The following RB1 variants were observed in gnomAD, a reference collection of about 807,000 sequenced individuals.
RB1 encodes the protein retinoblastoma-associated protein.
RB1 carries 18 observed loss-of-function variants against 135.4 expected under a neutral mutation model. The observed-to-expected ratio is 0.13, with a 90% CI of 0.09 to 0.20. The LOEUF is 0.20. Ranked by LOEUF, RB1 falls within the 10% of genes least tolerant of loss-of-function variation. The probability of loss-of-function intolerance (pLI) is 1.00; values close to 1 mark genes in which losing one functional copy is unlikely to be tolerated. For synonymous variants in RB1, 365 were observed against 373.2 expected, an observed-to-expected ratio of 0.98 and a Z score of 0.25; for missense variants, 868 against 1,110.0, an observed-to-expected ratio of 0.78 and a Z score of 3.10.
chr13:48,363,072 C>T, intron 8 of RB1, 115 bp downstream of exon 8: 1 of 1,313,124 alleles, frequency 7.6e-7, no homozygotes, highest in South Asian at 1.4e-5. Context: ...TTAGTGCTAA[C>T]TCTTTTGCAG....
In RB1 at chr13:48,462,281, G is replaced by A. The variant is rs147770279; in HGVS notation, c.2107-1450G>A. On this transcript the variant is annotated intron_variant, in intron 20 of 26. Transcript: ENST00000267163. ...TGGGACTATAGGCACACACCACCAC[G>A]CCGAGCTAATTTTTGTATTTTTTTG... is the stretch of plus-strand genomic sequence containing the variant. Among the ~76,000 whole-genome samples, 784 of 151,894 alleles carry A rather than the reference G, an allele frequency of 5.2e-3. 4 individuals are homozygous for A. Among genetic ancestry groups the A allele is most frequent in the Non-Finnish European group, 8.8e-3 (595 of 67,948 alleles).
Position 48,436,711 on chromosome 13 carries a change from G to C in RB1, c.1696-16282G>C, listed in dbSNP as rs187916323. On this transcript the variant is annotated intron_variant, in intron 17 of 26. Coordinates refer to ENST00000267163, the MANE Select transcript of RB1 (RefSeq NM_000321.3). ...GGCAAGCAGATCTGCAGAAATATTA[G>C]TATTAAAGGACCAGCAAGGTAAAAT... 3.3e-5 allele frequency among the ~76,000 whole-genome samples: 5 copies of C among 152,078 alleles called. No individual in the cohort carries two copies. The East Asian group carries it at 9.7e-4, about 29-fold the overall frequency.
intron 2 of RB1, among the ~76,000 whole-genome samples, chr13:48,341,931 G>T (rs977636263): frequency 1.3e-5 from 2 of 151,866 alleles, no homozygotes; most frequent in African/African-American, 2.4e-5. Context: ...ATATTTAGGG[G>T]TGGTATATAT....
In RB1 at chr13:48,319,111, C is replaced by T. The variant is rs529268494; in HGVS notation, c.264+11705C>T. 9 of 608,138 alleles carry T rather than the reference C, an allele frequency of 1.5e-5. No homozygotes were observed. In the East Asian group the frequency reaches 3.4e-4, roughly 23 times the overall value. 37.7% of individuals were successfully genotyped at this position (608,138 alleles called of 1,614,324 possible). On this transcript the variant is annotated intron_variant, in intron 2 of 26. Transcript: ENST00000267163. The surrounding 1 kb of genome is among the most constrained non-coding windows in gnomAD (Gnocchi z 5.0). ...CAAACTCGTTCCTGGAAGCCGGGCT[C>T]GCTGGAGGCGGAGCTTTGGTTTCCT... is the stretch of plus-strand genomic sequence containing the variant.
At chr13:48,352,828 A>G (rs553239330) in intron 6 of RB1, among the ~76,000 whole-genome samples, 5 of 152,172 alleles carry the variant, frequency 3.3e-5, no homozygotes, top group East Asian at 1.9e-4. Context: ...CTCTCTTCCT[A>G]TTTGGATGCC....
chr13:48,447,389 C>T (rs960400616), intron 17 of RB1, among the ~76,000 whole-genome samples: 1 of 152,088 alleles, frequency 6.6e-6, no homozygotes, highest in African/African-American at 2.4e-5. Context: ...ATTTATGGCT[C>T]TACTTCCTAG....
chr13:48,409,655 A>T (rs1009193291), intron 17 of RB1, among the ~76,000 whole-genome samples: 3 of 128,018 alleles, frequency 2.3e-5, no homozygotes, highest in African/African-American at 9.1e-5. Flanking sequence ...ATCTTGGCTC[A>T]CTGCAACCTC....
At chr13:48,452,798 G>A (rs1316469957) in intron 17 of RB1, among the ~76,000 whole-genome samples, 195 bp from the exon 18 acceptor site, 1 of 151,040 alleles carries the variant, frequency 6.6e-6, no homozygotes, top group Non-Finnish European at 1.5e-5. Flanking sequence ...CTACTTTTTT[G>A]TGTGTGGGAA....
chr13:48,441,105 A>T (rs909698720), intron 17 of RB1, among the ~76,000 whole-genome samples: 2 of 152,198 alleles, frequency 1.3e-5, no homozygotes, highest in African/African-American at 4.8e-5. Context: ...AACAACAGAA[A>T]TGTATTTCTC....
At chr13:48,403,507 C>T (rs1948712292) in intron 17 of RB1, among the ~76,000 whole-genome samples, 1 of 151,960 alleles carries the variant, frequency 6.6e-6, no homozygotes, top group African/African-American at 2.4e-5. Context: ...CACACAACAC[C>T]CCCAGGAAAG....
At chr13:48,368,964 C>A (rs1952731895) in intron 11 of RB1, among the ~76,000 whole-genome samples, 1 of 152,084 alleles carries the variant, frequency 6.6e-6, no homozygotes, top group African/African-American at 2.4e-5. Context: ...TGAGATCGTG[C>A]CATTGCACTT....
intron 17 of RB1, among the ~76,000 whole-genome samples, chr13:48,447,290 T>A (rs1949295220): frequency 6.6e-6 from 1 of 152,072 alleles, no homozygotes; most frequent in African/African-American, 2.4e-5. Flanking sequence ...AGACATCAAG[T>A]GAAGATGTTG....
chr13:48,319,248 G>A lies in RB1; in HGVS notation c.264+11842G>A, dbSNP rs1002643086. Reference sequence around the variant, plus strand: ...TGTTTTCCTGTGGGTCTCGCGCAAGGCACTTTTTTGTGGCGCTGCTTGTGC... The same window carrying A: ...TGTTTTCCTGTGGGTCTCGCGCAAGACACTTTTTTGTGGCGCTGCTTGTGC... On this transcript the variant is annotated intron_variant, in intron 2 of 26. Coordinates refer to ENST00000267163, the MANE Select transcript of RB1 (RefSeq NM_000321.3). This position sits in a 1 kb window ranked among gnomAD's most constrained non-coding sequence, Gnocchi z 5.0. 65 of 811,128 alleles carry A rather than the reference G, an allele frequency of 8.0e-5. No homozygotes were observed. In the African/African-American group the frequency reaches 1.1e-3, roughly 13 times the overall value. The allele number at this position is 811,128 out of a possible 1,614,324, so 50.2% of individuals were successfully genotyped here. A position where few individuals can be genotyped will look rare whatever the true frequency, so the allele number is the denominator to read the frequency against.
chr13:48,453,095 C>T lies in RB1; in HGVS notation c.1798C>T (p.His600Tyr), dbSNP rs1949338866. Residue 600 changes from histidine (H) to tyrosine (Y), a missense_variant, in exon 18 of 27, where the codon CAC becomes TAC. By Grantham distance (83) the His-to-Tyr change is moderately conservative (BLOSUM62 2). Transcript: ENST00000267163. Reference sequence around the variant, plus strand: ...TCTTAATCTTCCTCTCCAGAATAATCACACTGCAGCAGATATGTAAGCAAA... The same window carrying T: ...TCTTAATCTTCCTCTCCAGAATAATTACACTGCAGCAGATATGTAAGCAAA... ...CPLNLPLQNN[H>Y]TAADMYLSPV... 2 of 1,612,620 alleles carry T rather than the reference C, an allele frequency of 1.2e-6. No homozygotes were observed. The highest frequency in any genetic ancestry group is 1.1e-5 in the South Asian group (1 of 91,074).
chr13:48,433,392 A>T (rs1322653118), intron 17 of RB1, among the ~76,000 whole-genome samples: 1 of 152,012 alleles, frequency 6.6e-6, no homozygotes, highest in Non-Finnish European at 1.5e-5. Flanking sequence ...CTTATTTAAG[A>T]TGTATACTAT....
chr13:48,431,968 A>G (rs555572638), intron 17 of RB1, among the ~76,000 whole-genome samples: 11 of 152,150 alleles, frequency 7.2e-5, no homozygotes, highest in Admixed American at 1.3e-4. Flanking sequence ...GGAATATAGC[A>G]GTGAATAAAA....
intron 1 of RB1, among the ~76,000 whole-genome samples, chr13:48,305,111 C>T (rs1051200211): frequency 6.6e-6 from 1 of 152,094 alleles, no homozygotes; most frequent in Non-Finnish European, 1.5e-5. Context: ...ACTGGTTCTA[C>T]TTTGAGACAA....
At chr13:48,343,867 T>C (rs1416376306) in intron 3 of RB1, among the ~76,000 whole-genome samples, 2 of 152,232 alleles carry the variant, frequency 1.3e-5, no homozygotes, top group East Asian at 3.8e-4. Flanking sequence ...TAGCTTGTCA[T>C]GGCTCCCCCA....
intron 17 of RB1, among the ~76,000 whole-genome samples, chr13:48,443,804 T>C (rs778515504): frequency 1.3e-5 from 2 of 152,224 alleles, no homozygotes; most frequent in African/African-American, 2.4e-5. Flanking sequence ...ATTGCTTATA[T>C]ACATTTTTTT....
Sources: allele counts gnomAD v4.1 joint callset (sites outside exome capture counted in the v4.1 genomes callset), GRCh38; gene constraint gnomAD v4.1.1; non-coding constraint Gnocchi (gnomAD v3.1); transcripts MANE v1.5; gene names NCBI Gene and HGNC (gene_info 2026-07-23, HGNC 2026-07-21).